Variants in PI15 observed in about 807,000 individuals in gnomAD.
PI15 encodes the protein peptidase inhibitor 15, also known as 25 kDa trypsin inhibitor.
PI15 carries 18 observed loss-of-function variants against 31.0 expected under a neutral mutation model. The ratio of observed to expected loss-of-function variants is 0.58; its 90% CI spans 0.40 to 0.86. The LOEUF (loss-of-function observed/expected upper bound fraction) is 0.86. Among genes scored for constraint, PI15 ranks in the 40% least tolerant of loss-of-function variants. PI15 has a pLI of 0.00. For missense variants in PI15, 282 were observed against 328.1 expected (o/e 0.86, Z 1.09); for synonymous variants, 118 against 119.1 (o/e 0.99, Z 0.06).
rs1462651657 is a variant in PI15 at position 74,836,558 on chromosome 8, A to G, written c.274-7423A>G. ...GTGAATATAAATGAAACAAGGATGG[A>G]AAAAAAAAGAGAAGGGACTTGGACT... On this transcript the variant is annotated intron_variant, in intron 2 of 5. Transcript: ENST00000260113. 5.9e-5 allele frequency among the ~76,000 whole-genome samples: 9 copies of G among 151,694 alleles called. No individual in the cohort carries two copies. In the South Asian group the frequency reaches 1.0e-3, roughly 18 times the overall value.
Position 74,845,773 on chromosome 8 carries a change from A to G in PI15, c.641+276A>G, listed in dbSNP as rs541351920. On this transcript the variant is annotated intron_variant, in intron 5 of 5. Coordinates refer to ENST00000260113, the MANE Select transcript of PI15 (RefSeq NM_015886.5). ...CATATGTTTTAATTATGGCAATTGT[A>G]AAATAAACACTGTACCACACAAGCT... is the stretch of plus-strand genomic sequence containing the variant. 5 of 393,218 alleles carry G rather than the reference A, an allele frequency of 1.3e-5. No homozygotes were observed. The Admixed American group carries it at 1.5e-4, about 12-fold the overall frequency. The allele number at this position is 393,218 out of a possible 1,614,324, so 24.4% of individuals were successfully genotyped here.
intron 2 of PI15, among the ~76,000 whole-genome samples, chr8:74,837,873 A>G (rs1810892556): frequency 6.6e-6 from 1 of 152,090 alleles, no homozygotes; most frequent in African/African-American, 2.4e-5. Flanking sequence ...TATTTTTAGC[A>G]TTTTGTGTAT....
At chr8:74,831,434 T>C (rs1046673000) in intron 2 of PI15, among the ~76,000 whole-genome samples, 4 of 152,138 alleles carry the variant, frequency 2.6e-5, no homozygotes, top group Non-Finnish European at 1.5e-5. Flanking sequence ...CAGTAACTAT[T>C]TGTGGAATAA....
intron 2 of PI15, among the ~76,000 whole-genome samples, chr8:74,836,373 G>A (rs1586954520): frequency 6.6e-6 from 1 of 152,110 alleles, no homozygotes; most frequent in Non-Finnish European, 1.5e-5. Context: ...GAGGAATGGG[G>A]GTAAGGTTGT....
chr8:74,845,626 A>G, intron 5 of PI15, 129 bp downstream of exon 5: 2 of 622,408 alleles, frequency 3.2e-6, no homozygotes, highest in Middle Eastern at 3.6e-4. Flanking sequence ...CAAATCCACC[A>G]TCCTTCCAAT....
In PI15 at chr8:74,851,147, C is replaced by T. The variant is rs1422834739; in HGVS notation, c.*1894C>T. 1 of 152,470 alleles carries T rather than the reference C, an allele frequency of 6.6e-6. No homozygotes were observed. Among genetic ancestry groups the T allele is most frequent in the Non-Finnish European group, 1.5e-5 (1 of 67,970 alleles). 9.4% of individuals were successfully genotyped at this position (152,470 alleles called of 1,614,324 possible). On this transcript the variant is annotated 3_prime_UTR_variant, in exon 6 of 6. Coordinates refer to ENST00000260113, the MANE Select transcript of PI15 (RefSeq NM_015886.5). ...TCATACTACTCTGCCTTTGTGGGCA[C>T]ATATGTAGACACTACTAAAAATAAA...
In PI15 at chr8:74,826,771, A is replaced by C. The variant is rs79865052; in HGVS notation, c.273+1249A>C. Among the ~76,000 whole-genome samples the C allele has an allele frequency of 5.2e-3, 791 of 152,202 alleles. 7 individuals carry two copies. The highest frequency in any genetic ancestry group is 0.017 in the African/African-American group (703 of 41,548). On this transcript the variant is annotated intron_variant, in intron 2 of 5. Coordinates refer to ENST00000260113, the MANE Select transcript of PI15 (RefSeq NM_015886.5). ...TCTCTAATATGAAGATAAAGGTGGTATCTGCCACACAGCATTGTTGTGAGA... is the reference window on the plus strand; with the variant it reads ...TCTCTAATATGAAGATAAAGGTGGTCTCTGCCACACAGCATTGTTGTGAGA...
rs1811102838 is a variant in PI15 at position 74,851,450 on chromosome 8, GCTACATATTTCACAGGGGTT to G, written c.*2200_*2219del. ...TCAGTTCTAAGGAAGAATAATATTT[GCTACATATTTCACAGGGGTT>G]CTTATGAAGGTAAATTTACCAGATT... On this transcript the variant is annotated 3_prime_UTR_variant, in exon 6 of 6. Transcript: ENST00000260113. 1 of 151,894 alleles carries G rather than the reference GCTACATATTTCACAGGGGTT, an allele frequency of 6.6e-6. No homozygotes were observed. The highest frequency in any genetic ancestry group is 1.5e-5 in the Non-Finnish European group (1 of 67,910). The allele number at this position is 151,894 out of a possible 1,614,324, so 9.4% of individuals were successfully genotyped here.
chr8:74,841,142 A>G (rs992109182), intron 2 of PI15, among the ~76,000 whole-genome samples: 4 of 152,210 alleles, frequency 2.6e-5, no homozygotes, highest in African/African-American at 9.6e-5. Flanking sequence ...TATATTTAAC[A>G]TACACAATGT....
chr8:74,850,845 T>G lies in PI15; in HGVS notation c.*1592T>G, dbSNP rs1219460792. 1.3e-5 allele frequency: 2 copies of G among 152,184 alleles called. No homozygotes were observed. Among genetic ancestry groups the G allele is most frequent in the Non-Finnish European group, 2.9e-5 (2 of 68,008 alleles). The allele number at this position is 152,184 out of a possible 1,614,324, so 9.4% of individuals were successfully genotyped here. ...ACATACTGCATTTCAAGTACATGTG[T>G]GTGTGTTTTATTCAGGTTGTGTAAT... On this transcript the variant is annotated 3_prime_UTR_variant, in exon 6 of 6. Coordinates refer to ENST00000260113, the MANE Select transcript of PI15 (RefSeq NM_015886.5).
At chr8:74,842,026 AT>A (rs1810953167) in intron 2 of PI15, among the ~76,000 whole-genome samples, 1 of 151,078 alleles carries the variant, frequency 6.6e-6, no homozygotes, top group Non-Finnish European at 1.5e-5. Flanking sequence ...TTTTTTTCTT[AT>A]TTTATTTTAA....
intron 2 of PI15, among the ~76,000 whole-genome samples, chr8:74,835,907 G>A (rs1406390659): frequency 6.6e-6 from 1 of 152,016 alleles, no homozygotes; most frequent in East Asian, 1.9e-4. Flanking sequence ...TATCTATTAA[G>A]GCTGTATTGA....
At position 74,851,127 on chromosome 8, in the gene PI15, C is replaced by T. The variant is rs1811098658; in HGVS notation, c.*1874C>T. ...GGTGACCAAATGCTTTGATATCATA[C>T]TACTCTGCCTTTGTGGGCACATATG... On this transcript the variant is annotated 3_prime_UTR_variant, in exon 6 of 6. Coordinates refer to ENST00000260113, the MANE Select transcript of PI15 (RefSeq NM_015886.5). 6.6e-6 allele frequency: 1 copy of T among 152,538 alleles called. No individual in the cohort carries two copies. The highest frequency in any genetic ancestry group is 1.5e-5 in the Non-Finnish European group (1 of 67,984). The allele number at this position is 152,538 out of a possible 1,614,324, so 9.4% of individuals were successfully genotyped here.
rs1383968367 is a variant in PI15, at chr8:74,851,840, A to C, written c.*2587A>C. 2 of 152,140 alleles carry C rather than the reference A, an allele frequency of 1.3e-5. No homozygotes were observed. Among genetic ancestry groups the C allele is most frequent in the Non-Finnish European group, 2.9e-5 (2 of 67,954 alleles). 9.4% of individuals were successfully genotyped at this position (152,140 alleles called of 1,614,324 possible). ...AAGACCAGGGTTTACACACTTAGGC[A>C]ATAGTCCTTTCCAAACCATGACAAA... On this transcript the variant is annotated 3_prime_UTR_variant, in exon 6 of 6. Transcript: ENST00000260113.
At chr8:74,827,634 A>C (rs16938969) in intron 2 of PI15, among the ~76,000 whole-genome samples, 14,667 of 152,232 alleles carry the variant, frequency 0.096, 870 homozygotes, top group African/African-American at 0.17. Context: ...AGGTCTGTGT[A>C]ATTTCAAAGC....
intron 2 of PI15, among the ~76,000 whole-genome samples, chr8:74,831,696 A>G (rs189907506): frequency 6.6e-6 from 1 of 152,152 alleles, no homozygotes; most frequent in Non-Finnish European, 1.5e-5. Context: ...TCCTGTGGGA[A>G]GACCTAGCTC....
At position 74,854,218 on chromosome 8, in the gene PI15, G is replaced by A. The variant is rs902785780; in HGVS notation, c.*4965G>A. ...TTCAGTTTAGATATATAATTGACTG[G>A]GTGTAATCTCTTTTGTAATCTGTTT... On this transcript the variant is annotated 3_prime_UTR_variant, in exon 6 of 6. Coordinates refer to ENST00000260113, the MANE Select transcript of PI15 (RefSeq NM_015886.5). 1 of 151,772 alleles carries A rather than the reference G, an allele frequency of 6.6e-6. No individual in the cohort carries two copies. The highest frequency in any genetic ancestry group is 2.4e-5 in the African/African-American group (1 of 41,370). 9.4% of individuals were successfully genotyped at this position (151,772 alleles called of 1,614,324 possible). A position where few individuals can be genotyped will look rare whatever the true frequency, so the allele number is the denominator to read the frequency against.
intron 2 of PI15, among the ~76,000 whole-genome samples, chr8:74,840,314 C>A (rs1810927824): frequency 6.6e-6 from 1 of 151,960 alleles, no homozygotes; most frequent in Non-Finnish European, 1.5e-5. Context: ...ATCTATCAAG[C>A]ACTGGGTCTT....
At chr8:74,829,898 G>A (rs188370034) in intron 2 of PI15, among the ~76,000 whole-genome samples, 2 of 152,182 alleles carry the variant, frequency 1.3e-5, no homozygotes, top group Admixed American at 1.3e-4. Flanking sequence ...AAAATCTCCA[G>A]CAGAGAAAAA....
Sources: allele counts gnomAD v4.1 joint callset (sites outside exome capture counted in the v4.1 genomes callset), GRCh38; gene constraint gnomAD v4.1.1; transcripts MANE v1.5; gene names NCBI Gene and HGNC (gene_info 2026-07-23, HGNC 2026-07-21).